Variants in IFT140 observed in about 807,000 individuals in gnomAD.
The protein encoded by IFT140 is intraflagellar transport protein 140 homolog.
A neutral mutation model predicts 164.6 loss-of-function variants in IFT140; 133 were observed. The observed-to-expected ratio is 0.81, with a 90% CI of 0.70 to 0.93. The LOEUF (loss-of-function observed/expected upper bound fraction) is 0.93. Among genes scored for constraint, IFT140 ranks in the 40% least tolerant of loss-of-function variants. The probability of loss-of-function intolerance (pLI) is 0.00; values close to 1 mark genes in which losing one functional copy is unlikely to be tolerated. For synonymous variants in IFT140, 860 were observed against 817.3 expected, an observed-to-expected ratio of 1.05 and a Z score of -0.89; for missense variants, 2,045 against 1,972.3, an observed-to-expected ratio of 1.04 and a Z score of -0.70.
chr16:1,529,447 G>A (rs865941603), intron 19 of IFT140, among the ~76,000 whole-genome samples: 1 of 152,232 alleles, frequency 6.6e-6, no homozygotes, highest in Non-Finnish European at 1.5e-5. Flanking sequence ...ACGCTCAGTC[G>A]GCGCTGCGGT....
chr16:1,514,886 TAAAC>T (rs2040296265), intron 30 of IFT140, among the ~76,000 whole-genome samples: 1 of 152,126 alleles, frequency 6.6e-6, no homozygotes, highest in Non-Finnish European at 1.5e-5. Context: ...AAATATATTT[TAAAC>T]AAATTAACAA....
rs138991209 is a variant in IFT140, at chr16:1,602,538, C to T, written c.201G>A (p.Leu67=). 1.2e-6 allele frequency: 2 copies of T among 1,614,116 alleles called. No homozygotes were observed. The highest frequency in any genetic ancestry group is 1.7e-6 in the Non-Finnish European group (2 of 1,180,046). Residue 67 remains leucine (L), a synonymous_variant, in exon 4 of 31, where the codon CTG becomes CTA. Coordinates refer to ENST00000426508, the MANE Select transcript of IFT140 (RefSeq NM_014714.4). Reference sequence around the variant, plus strand: ...GCACCAGCCGCGTCGGGTGCCAGCACAGGGAAGCAACCCGGAACGGCCTCT... The same window carrying T: ...GCACCAGCCGCGTCGGGTGCCAGCATAGGGAAGCAACCCGGAACGGCCTCT... ...HVERPFRVAS[L]CWHPTRLVLA... is the part of the protein sequence containing the mutation.
chr16:1,582,385 C>A (rs1319386824), intron 12 of IFT140, among the ~76,000 whole-genome samples: 2 of 152,204 alleles, frequency 1.3e-5, no homozygotes, highest in South Asian at 2.1e-4. Flanking sequence ...CTGGCAGCCA[C>A]CAGAAGCTGA....
chr16:1,571,474 T>C lies in IFT140; in HGVS notation c.1585A>G (p.Ile529Val), dbSNP rs145895414. The C allele has an allele frequency of 1.2e-5, 20 of 1,613,960 alleles. No individual in the cohort carries two copies. Among genetic ancestry groups the C allele is most frequent in the Middle Eastern group, 1.6e-4 (1 of 6,084 alleles). ...ETEGNPCFLD[I>V]CGNFLVVGTD... ...CCTACAACCAGGAAATTCCCACAGA[T>C]GTCCAAGAAGCAGGGATTCCCCTCA... The change falls in exon 14 of 31, where the codon ATC (isoleucine) becomes GTC (valine). Residue 529 changes from isoleucine (I) to valine (V), a missense_variant. Transcript: ENST00000426508.
intron 19 of IFT140, among the ~76,000 whole-genome samples, chr16:1,527,179 C>T (rs552675032): frequency 3.3e-5 from 5 of 152,342 alleles, no homozygotes; most frequent in South Asian, 2.1e-4. Context: ...CTCACCTGAG[C>T]CTGAGATTGC....
intron 13 of IFT140, among the ~76,000 whole-genome samples, chr16:1,575,382 AT>A (rs1222504390): frequency 4.8e-4 from 73 of 150,582 alleles, no homozygotes; most frequent in African/African-American, 1.6e-3. Context: ...CTGTAAAAAA[AT>A]AAATAAAAAT....
At chr16:1,512,107 G>A (rs1056496128) in intron 30 of IFT140, among the ~76,000 whole-genome samples, 1 of 147,102 alleles carries the variant, frequency 6.8e-6, no homozygotes, top group South Asian at 2.2e-4. Context: ...AGGTGCGGAG[G>A]GCGGGTGAGG....
At chr16:1,534,364 G>A in intron 19 of IFT140, 1 of 1,612,908 alleles carries the variant, frequency 6.2e-7, no homozygotes, top group Non-Finnish European at 8.5e-7. Flanking sequence ...ACCTCCAACT[G>A]GGTGTGCCAG....
chr16:1,573,850 TAA>T (rs1172548293), intron 13 of IFT140, among the ~76,000 whole-genome samples: 1 of 151,996 alleles, frequency 6.6e-6, no homozygotes, highest in African/African-American at 2.4e-5. Flanking sequence ...AGGGAGAAAA[TAA>T]CACAAAGCCA....
rs891434724 is a variant in IFT140 at position 1,534,143 on chromosome 16, C to T, written c.2400-7347G>A. The stretch of plus-strand genomic sequence containing the variant: ...GGCACACCTGGACCATCCCATGGGC[C>T]TCCGCCCGCGCCGCCCCGAGGATGA... On this transcript the variant is annotated intron_variant, in intron 19 of 30. Coordinates refer to ENST00000426508, the MANE Select transcript of IFT140 (RefSeq NM_014714.4). 19 of 1,196,794 alleles carry T rather than the reference C, an allele frequency of 1.6e-5. No individual in the cohort carries two copies. The African/African-American group carries it at 2.5e-4, about 16-fold the overall frequency. The allele number at this position is 1,196,794 out of a possible 1,614,324, so 74.1% of individuals were successfully genotyped here. A position where few individuals can be genotyped will look rare whatever the true frequency, so the allele number is the denominator to read the frequency against.
intron 20 of IFT140, chr16:1,526,376 G>T: frequency 5.3e-6 from 3 of 564,680 alleles, no homozygotes; most frequent in East Asian, 3.1e-5. Flanking sequence ...GGGGTCTCTC[G>T]GGCGCTCTGT....
At chr16:1,591,484 C>T (rs561141081) in intron 6 of IFT140, among the ~76,000 whole-genome samples, 4 of 152,360 alleles carry the variant, frequency 2.6e-5, no homozygotes, top group Admixed American at 1.3e-4. Flanking sequence ...TTGGTGAAAC[C>T]GATAGCAAAA....
chr16:1,584,101 A>T, intron 11 of IFT140, 116 bp downstream of exon 11: 2 of 747,134 alleles, frequency 2.7e-6, no homozygotes, highest in Non-Finnish European at 4.4e-6. Flanking sequence ...AAGAGAATCT[A>T]GGATGGAACT....
chr16:1,570,433 AACTCCC>A (rs920668841), intron 14 of IFT140, among the ~76,000 whole-genome samples: 21 of 152,098 alleles, frequency 1.4e-4, no homozygotes, highest in Non-Finnish European at 2.2e-4. Flanking sequence ...GCTAATCTGT[AACTCCC>A]ACTCCCACTC....
At chr16:1,512,192 GCA>G (rs1491582323) in intron 30 of IFT140, among the ~76,000 whole-genome samples, 8 of 111,214 alleles carry the variant, frequency 7.2e-5, no homozygotes, top group African/African-American at 2.9e-4. Flanking sequence ...AGGACAGGCG[GCA>G]TAGGTGGGTG....
chr16:1,588,398 G>A (rs1712524035), intron 7 of IFT140, among the ~76,000 whole-genome samples: 2 of 152,126 alleles, frequency 1.3e-5, no homozygotes, highest in South Asian at 2.1e-4. Context: ...TGTGGCAGGC[G>A]CCTGTAGTCT....
At chr16:1,561,274 G>A (rs541068118) in intron 18 of IFT140, among the ~76,000 whole-genome samples, 12 of 152,338 alleles carry the variant, frequency 7.9e-5, no homozygotes, top group African/African-American at 2.4e-4. Flanking sequence ...TGATCAGCAC[G>A]CCCTCTCAGA....
rs747349401 is a variant in IFT140, at chr16:1,525,233, A to G, written c.2862T>C (p.Asp954=). ...SLELYVNKMK[D]KTLWRWWAQY... Reference sequence around the variant, plus strand: ...CCAGCCCTGGTGGGGACACTCACTTATCCTTCATTTTATTCACGTAGAGCT... The same window carrying G: ...CCAGCCCTGGTGGGGACACTCACTTGTCCTTCATTTTATTCACGTAGAGCT... The change falls in exon 22 of 31, where the codon GAT becomes GAC. Residue 954 remains aspartate, a splice_region_variant and synonymous_variant. Coordinates refer to ENST00000426508, the MANE Select transcript of IFT140 (RefSeq NM_014714.4). 6 of 1,609,962 alleles carry G rather than the reference A, an allele frequency of 3.7e-6. No individual in the cohort carries two copies. Among genetic ancestry groups the G allele is most frequent in the Non-Finnish European group, 5.1e-6 (6 of 1,177,652 alleles).
At chr16:1,575,790 C>G (rs946503158) in intron 13 of IFT140, among the ~76,000 whole-genome samples, 1 of 151,888 alleles carries the variant, frequency 6.6e-6, no homozygotes, top group Non-Finnish European at 1.5e-5. Flanking sequence ...TCCTAGCAGG[C>G]CATTCACTCT....
Sources: gnomAD v4.1 joint callset for allele counts (sites outside exome capture counted in the v4.1 genomes callset) on GRCh38, gnomAD v4.1.1 for gene constraint, MANE v1.5 for transcripts, NCBI Gene and HGNC (gene_info 2026-07-23, HGNC 2026-07-21) for gene names.